Variants in LRRC37A2 observed in about 807,000 individuals in gnomAD.
LRRC37A2 encodes leucine rich repeat containing 37 member A2.
LRRC37A2 carries 9 observed loss-of-function variants against 68.8 expected under a neutral mutation model. The observed-to-expected ratio is 0.13, with a 90% CI of 0.08 to 0.23. The LOEUF (loss-of-function observed/expected upper bound fraction) is 0.23, where lower values mean the gene tolerates loss of function less well. LRRC37A2 is among the 10% of genes least tolerant of loss of function. The probability of loss-of-function intolerance (pLI) is 1.00; values close to 1 mark genes in which losing one functional copy is unlikely to be tolerated. For missense variants in LRRC37A2, 168 were observed against 950.4 expected, an observed-to-expected ratio of 0.18 and a Z score of 10.82; for synonymous variants, 63 against 367.6, an observed-to-expected ratio of 0.17 and a Z score of 9.48.
the LRRC37A2 span, among the ~76,000 whole-genome samples, chr17:46,834,087 C>T: frequency 6.6e-6 from 1 of 152,094 alleles, no homozygotes; most frequent in African/African-American, 2.4e-5. Context: ...CTCAGCTACT[C>T]GGGAGGCTGA....
chr17:46,680,529 A>G, the LRRC37A2 span, among the ~76,000 whole-genome samples: 1 of 150,288 alleles, frequency 6.7e-6, no homozygotes, highest in Non-Finnish European at 1.5e-5. Context: ...TAGAAGAAAA[A>G]TAGGCAAAAA....
At chr17:46,772,241 G>T in the LRRC37A2 span, among the ~76,000 whole-genome samples, 1 of 152,122 alleles carries the variant, frequency 6.6e-6, no homozygotes, top group South Asian at 2.1e-4. Context: ...CCAAACTCTC[G>T]GGCACACATC....
At chr17:46,804,504 C>G in the LRRC37A2 span, among the ~76,000 whole-genome samples, 1 of 152,172 alleles carries the variant, frequency 6.6e-6, no homozygotes, top group African/African-American at 2.4e-5. Flanking sequence ...AGACACCAGA[C>G]GGAAGCCTCT....
the LRRC37A2 span, among the ~76,000 whole-genome samples, chr17:46,603,503 TA>T: frequency 8.4e-6 from 1 of 118,384 alleles, no homozygotes; most frequent in African/African-American, 3.2e-5. Flanking sequence ...TTGTTGAAGA[TA>T]TTTTTTCCAG....
At chr17:46,900,871 A>G in the LRRC37A2 span, among the ~76,000 whole-genome samples, 1 of 152,332 alleles carries the variant, frequency 6.6e-6, no homozygotes. Flanking sequence ...TCTGGGCCAT[A>G]AAACAAAGTG....
chr17:46,839,680 C>T, the LRRC37A2 span, among the ~76,000 whole-genome samples: 1 of 152,198 alleles, frequency 6.6e-6, no homozygotes, highest in Admixed American at 6.5e-5. Flanking sequence ...TCTCCCTCCC[C>T]CAGTCCCCCC....
chr17:46,894,623 A>G, the LRRC37A2 span, among the ~76,000 whole-genome samples: 2 of 152,132 alleles, frequency 1.3e-5, no homozygotes, highest in Admixed American at 1.3e-4. Flanking sequence ...GCTGGGACAG[A>G]GGGCTTGGCT....
chr17:46,543,224 T>C (rs1235559739), intron 8 of LRRC37A2, among the ~76,000 whole-genome samples: 3 of 150,638 alleles, frequency 2.0e-5, no homozygotes. Flanking sequence ...TTCAGGAGTT[T>C]ACACATTTAT....
the LRRC37A2 span, among the ~76,000 whole-genome samples, chr17:46,947,636 C>G: frequency 6.6e-6 from 1 of 152,186 alleles, no homozygotes; most frequent in Non-Finnish European, 1.5e-5. Flanking sequence ...CCTGACTTTG[C>G]TGTTTATTAG....
the LRRC37A2 span, among the ~76,000 whole-genome samples, chr17:47,035,350 A>G: frequency 6.6e-6 from 1 of 152,342 alleles, no homozygotes; most frequent in East Asian, 1.9e-4. Context: ...GGCCCAGGTA[A>G]CTACTAATCT....
chr17:46,874,334 C>T, the LRRC37A2 span, among the ~76,000 whole-genome samples: 1 of 152,172 alleles, frequency 6.6e-6, no homozygotes, highest in Non-Finnish European at 1.5e-5. Context: ...TCATAGGAAG[C>T]CCATGGGGCT....
chr17:46,875,085 TG>T, the LRRC37A2 span: 2 of 1,613,526 alleles, frequency 1.2e-6, no homozygotes, highest in Non-Finnish European at 1.7e-6. Flanking sequence ...CCTATGCCCC[TG>T]GGTGCCCGAT....
At chr17:46,939,121 C>T in the LRRC37A2 span, 27 of 1,157,650 alleles carry the variant, frequency 2.3e-5, no homozygotes, top group Non-Finnish European at 2.9e-5. Context: ...ACTGTCCACA[C>T]GGTTCACACC....
At chr17:46,817,154 A>G in the LRRC37A2 span, among the ~76,000 whole-genome samples, 1 of 152,180 alleles carries the variant, frequency 6.6e-6, no homozygotes, top group African/African-American at 2.4e-5. Flanking sequence ...ACACCCAGAC[A>G]CAAATGCTGC....
chr17:46,773,629 C>A, the LRRC37A2 span: 3 of 513,520 alleles, frequency 5.8e-6, no homozygotes, highest in Admixed American at 8.7e-5. Context: ...TCCCTCCCCC[C>A]ACCCAGCCCC....
At chr17:46,779,103 A>ACACACACACACACACACACACACACC in the LRRC37A2 span, among the ~76,000 whole-genome samples, 11 of 133,662 alleles carry the variant, frequency 8.2e-5, no homozygotes, top group East Asian at 5.1e-4. Flanking sequence ...ACACACACAC[A>ACACACACACACACACACACACACACC]CCCCAGCCCA....
At chr17:46,921,685 C>T in the LRRC37A2 span, among the ~76,000 whole-genome samples, 1 of 152,194 alleles carries the variant, frequency 6.6e-6, no homozygotes, top group Non-Finnish European at 1.5e-5. Flanking sequence ...TATGAACAGA[C>T]ACTTCTCAAA....
chr17:46,901,803 ATTT>A, the LRRC37A2 span, among the ~76,000 whole-genome samples: 13 of 128,172 alleles, frequency 1.0e-4, no homozygotes, highest in Admixed American at 2.3e-4. Context: ...TGGAGCAAGA[ATTT>A]TTTTTTTTTT....
the LRRC37A2 span, among the ~76,000 whole-genome samples, chr17:46,795,738 C>A: frequency 6.6e-6 from 1 of 152,186 alleles, no homozygotes; most frequent in South Asian, 2.1e-4. Context: ...AGTCTCAAAG[C>A]CAGCCCCACC....
Sources: gnomAD v4.1 joint callset for allele counts (sites outside exome capture counted in the v4.1 genomes callset) on GRCh38, gnomAD v4.1.1 for gene constraint, MANE v1.5 for transcripts, NCBI Gene and HGNC (gene_info 2026-07-23, HGNC 2026-07-21) for gene names.